The following MAST4 variants were observed in gnomAD, a reference collection of about 807,000 sequenced individuals.
MAST4 encodes the protein microtubule-associated serine/threonine-protein kinase 4.
MAST4 carries 89 observed loss-of-function variants against 162.7 expected under a neutral mutation model. The ratio of observed to expected loss-of-function variants is 0.55; its 90% confidence interval spans 0.46 to 0.65. The LOEUF (loss-of-function observed/expected upper bound fraction) is 0.65. Ranked by LOEUF, MAST4 falls within the 30% of genes least tolerant of loss-of-function variation. The pLI is 0.00. For missense variants in MAST4, 3,153 were observed against 3,374.0 expected (o/e 0.93, Z 1.62); for synonymous variants, 1,479 against 1,361.1 (o/e 1.09, Z -1.91).
chr5:67,109,593 C>T lies in MAST4; in HGVS notation c.1357-505C>T, dbSNP rs137933087. Among the ~76,000 whole-genome samples, 848 of 152,196 alleles carry T rather than the reference C, an allele frequency of 5.6e-3. 9 individuals are homozygous for T. Among genetic ancestry groups the T allele is most frequent in the African/African-American group, 0.019 (801 of 41,530 alleles). On this transcript the variant is annotated intron_variant, in intron 10 of 28. Coordinates refer to ENST00000403625, the MANE Select transcript of MAST4 (RefSeq NM_001164664.2). Reference sequence around the variant, plus strand: ...GCTAACACTTGAAAAAAGCATTGCACACTTCTTACGTGTGATAATATAACT... The same window carrying T: ...GCTAACACTTGAAAAAAGCATTGCATACTTCTTACGTGTGATAATATAACT...
At chr5:66,813,648 A>G (rs1221791908) in intron 3 of MAST4, among the ~76,000 whole-genome samples, 1 of 152,252 alleles carries the variant, frequency 6.6e-6, no homozygotes, top group Non-Finnish European at 1.5e-5. Context: ...AAATGGGAAA[A>G]GCAGAAGATT....
chr5:66,854,622 G>A (rs1561384683), intron 3 of MAST4, among the ~76,000 whole-genome samples: 1 of 152,058 alleles, frequency 6.6e-6, no homozygotes, highest in South Asian at 2.1e-4. Flanking sequence ...GGGCAAGAGA[G>A]GGCAGTCCCT....
At chr5:67,120,572 A>G (rs1307403418) in intron 13 of MAST4, among the ~76,000 whole-genome samples, 1 of 152,200 alleles carries the variant, frequency 6.6e-6, no homozygotes, top group African/African-American at 2.4e-5. Flanking sequence ...TGTGTTGCCT[A>G]CTGCTTTTCT....
At chr5:66,924,553 C>T (rs1245881265) in intron 4 of MAST4, among the ~76,000 whole-genome samples, 1 of 152,070 alleles carries the variant, frequency 6.6e-6, no homozygotes, top group Non-Finnish European at 1.5e-5. Context: ...GCCACCGCGT[C>T]CACCACCGCG....
intron 1 of MAST4, among the ~76,000 whole-genome samples, chr5:66,642,451 T>A (rs1167637667): frequency 3.3e-5 from 5 of 152,220 alleles, no homozygotes; most frequent in African/African-American, 4.8e-5. Flanking sequence ...GGACAATGAC[T>A]GGATATTTGA....
At chr5:66,860,853 G>T (rs1414864551) in intron 3 of MAST4, among the ~76,000 whole-genome samples, 2 of 151,750 alleles carry the variant, frequency 1.3e-5, no homozygotes, top group South Asian at 2.1e-4. Context: ...GCCACTAGGC[G>T]CCTGGGACAA....
chr5:67,006,119 T>TA (rs1561524675), intron 4 of MAST4, among the ~76,000 whole-genome samples: 1 of 152,254 alleles, frequency 6.6e-6, no homozygotes, highest in Non-Finnish European at 1.5e-5. Context: ...CATGGTTTCT[T>TA]ACATTTCAGA....
At position 66,660,785 on chromosome 5, in the gene MAST4, A is replaced by G. The variant is rs142347247; in HGVS notation, c.363+63767A>G. ...ATTATATACAAATAATTATATTGCT[A>G]ATTACTAAAATAAAAGTAATATAAT... is the stretch of plus-strand genomic sequence containing the variant. On this transcript the variant is annotated intron_variant, in intron 1 of 28. Coordinates refer to ENST00000403625, the MANE Select transcript of MAST4 (RefSeq NM_001164664.2). Among the ~76,000 whole-genome samples the G allele has an allele frequency of 9.4e-3, 1,439 of 152,340 alleles. 19 individuals carry two copies. The highest frequency in any genetic ancestry group is 0.033 in the African/African-American group (1,375 of 41,572).
intron 1 of MAST4, among the ~76,000 whole-genome samples, chr5:66,654,580 T>G (rs192201607): frequency 3.7e-4 from 56 of 152,338 alleles, no homozygotes; most frequent in African/African-American, 1.3e-3. Context: ...GATTTAACTG[T>G]TGAAGTTTCT....
At chr5:66,942,845 CTGGGTG>C (rs1168242057) in intron 4 of MAST4, among the ~76,000 whole-genome samples, 48 of 152,144 alleles carry the variant, frequency 3.2e-4, no homozygotes, top group East Asian at 1.7e-3. Flanking sequence ...AATATATAAG[CTGGGTG>C]GCTTATAAAC....
chr5:66,710,324 A>G (rs556367421), intron 1 of MAST4, among the ~76,000 whole-genome samples: 1 of 152,338 alleles, frequency 6.6e-6, no homozygotes, highest in South Asian at 2.1e-4. Context: ...TATATATTAT[A>G]CCATGTCAAG....
At chr5:66,723,839 G>T (rs1751358190) in intron 1 of MAST4, among the ~76,000 whole-genome samples, 1 of 152,104 alleles carries the variant, frequency 6.6e-6, no homozygotes, top group African/African-American at 2.4e-5. Flanking sequence ...TTAAAACATT[G>T]CAGGTTATGA....
At chr5:66,633,476 T>A (rs1744913945) in intron 1 of MAST4, among the ~76,000 whole-genome samples, 2 of 152,228 alleles carry the variant, frequency 1.3e-5, no homozygotes, top group African/African-American at 4.8e-5. Flanking sequence ...CTGCAGGTTA[T>A]AGAGTCAATC....
intron 3 of MAST4, among the ~76,000 whole-genome samples, chr5:66,819,800 G>A (rs1337703272): frequency 2.0e-5 from 3 of 148,528 alleles, no homozygotes; most frequent in African/African-American, 7.5e-5. Context: ...TTCCAACAGG[G>A]TCTCACTCTG....
chr5:67,078,921 T>TATAATATATATATATATATATATATATA (rs1561622186), intron 5 of MAST4, among the ~76,000 whole-genome samples: 2 of 73,330 alleles, frequency 2.7e-5, no homozygotes, highest in East Asian at 7.1e-4. Context: ...AATATATATA[T>TATAATATATATATATATATATATATATA]ATATATATAT....
At chr5:66,785,652 AATT>A (rs1467268441) in intron 2 of MAST4, among the ~76,000 whole-genome samples, 1 of 152,130 alleles carries the variant, frequency 6.6e-6, no homozygotes, top group African/African-American at 2.4e-5. Flanking sequence ...AGTTTAAGAA[AATT>A]ATCTGTTCAG....
intron 1 of MAST4, among the ~76,000 whole-genome samples, chr5:66,631,441 A>G (rs537650787): frequency 1.4e-4 from 21 of 152,294 alleles, no homozygotes; most frequent in Middle Eastern, 3.4e-3. Flanking sequence ...TTATTTCAAT[A>G]TTGGGTCTTG....
rs759812515 is a variant in MAST4, at chr5:67,145,143, GGCAACA to G, written c.2861_2866del (p.Gln954_Gln955del). On this transcript the variant is annotated inframe_deletion and splice_region_variant, in exon 23 of 29. Transcript: ENST00000403625. Reference sequence around the variant, plus strand: ...TGACTTTGTTTTTGCTTTTAATTAAGGCAACAGCTATCAACATCCAACTCTTCAGAT... The same window carrying G: ...TGACTTTGTTTTTGCTTTTAATTAAGGCTATCAACATCCAACTCTTCAGAT... The G allele has an allele frequency of 1.2e-6, 2 of 1,602,082 alleles. No homozygotes were observed. The highest frequency in any genetic ancestry group is 1.7e-6 in the Non-Finnish European group (2 of 1,173,236).
At chr5:66,828,037 T>C (rs1003557376) in intron 3 of MAST4, among the ~76,000 whole-genome samples, 1 of 152,200 alleles carries the variant, frequency 6.6e-6, no homozygotes, top group Non-Finnish European at 1.5e-5. Context: ...ACACTATACA[T>C]AGGTTAAATA....
Sources: allele counts gnomAD v4.1 joint callset (sites outside exome capture counted in the v4.1 genomes callset), GRCh38; gene constraint gnomAD v4.1.1; transcripts MANE v1.5; gene names NCBI Gene and HGNC (gene_info 2026-07-23, HGNC 2026-07-21).